Variants in RORA observed in about 807,000 individuals in gnomAD.
The protein encoded by RORA is nuclear receptor ROR-alpha.
A neutral mutation model predicts 69.5 loss-of-function variants in RORA; 7 were observed. The observed-to-expected ratio is 0.10, with a 90% CI of 0.06 to 0.19. RORA has a LOEUF of 0.19. Ranked by LOEUF, RORA falls within the 10% of genes least tolerant of loss-of-function variation. RORA has a pLI of 1.00. For missense variants in RORA, 457 were observed against 663.0 expected (o/e 0.69, Z 3.41); for synonymous variants, 261 against 240.8 (o/e 1.08, Z -0.78).
At chr15:61,224,130 A>G (rs1414864793) in intron 1 of RORA, among the ~76,000 whole-genome samples, 1 of 152,198 alleles carries the variant, frequency 6.6e-6, no homozygotes, top group Non-Finnish European at 1.5e-5. Context: ...CTGGATGAGT[A>G]TTCACTCCAA....
intron 1 of RORA, among the ~76,000 whole-genome samples, chr15:60,855,066 T>G (rs760993785): frequency 2.0e-5 from 3 of 152,214 alleles, no homozygotes; most frequent in African/African-American, 7.2e-5. Context: ...GAGCTTACGA[T>G]TGTGCTTGTC....
At chr15:60,823,492 A>G (rs995411960) in intron 1 of RORA, among the ~76,000 whole-genome samples, 2 of 152,180 alleles carry the variant, frequency 1.3e-5, no homozygotes, top group Non-Finnish European at 2.9e-5. Context: ...GAGGCCACAC[A>G]TGTTGTGTTA....
chr15:61,154,572 G>C (rs139934503), intron 1 of RORA, among the ~76,000 whole-genome samples: 79 of 152,302 alleles, frequency 5.2e-4, no homozygotes, highest in African/African-American at 1.9e-3. Flanking sequence ...GATGGGTCAT[G>C]AGCCATTTGT....
chr15:61,125,667 C>T (rs1296724738), intron 1 of RORA, among the ~76,000 whole-genome samples: 1 of 152,168 alleles, frequency 6.6e-6, no homozygotes, highest in Non-Finnish European at 1.5e-5. Flanking sequence ...ATTGACAATG[C>T]TTCTGATTCC....
chr15:61,175,720 T>C (rs568450126), intron 1 of RORA, among the ~76,000 whole-genome samples: 1 of 152,090 alleles, frequency 6.6e-6, no homozygotes, highest in East Asian at 1.9e-4. Flanking sequence ...CAGTCTCGAA[T>C]AAAATAGAAA....
chr15:60,516,159 AT>A (rs1487978725), intron 3 of RORA, among the ~76,000 whole-genome samples: 4 of 29,720 alleles, frequency 1.3e-4, no homozygotes, highest in Non-Finnish European at 1.7e-4. Flanking sequence ...ATATATATAT[AT>A]TTATATATAT....
intron 1 of RORA, among the ~76,000 whole-genome samples, chr15:60,842,136 T>C (rs776979475): frequency 3.3e-4 from 50 of 152,078 alleles, no homozygotes; most frequent in Non-Finnish European, 8.8e-5. Context: ...ATTTGTGTTT[T>C]CCACCCCCTT....
intron 1 of RORA, among the ~76,000 whole-genome samples, chr15:60,897,701 T>G (rs1364394170): frequency 1.3e-5 from 2 of 152,238 alleles, no homozygotes; most frequent in African/African-American, 4.8e-5. Context: ...GTAGGTATTC[T>G]GATGAAATTG....
At chr15:61,028,302 G>A (rs1298454759) in intron 1 of RORA, among the ~76,000 whole-genome samples, 1 of 152,160 alleles carries the variant, frequency 6.6e-6, no homozygotes, top group African/African-American at 2.4e-5. Flanking sequence ...GAGTTGAGTG[G>A]TTTATGGAGG....
Position 60,824,357 on chromosome 15 carries a change from A to G in RORA, c.167-145671T>C, listed in dbSNP as rs552203375. On this transcript the variant is annotated intron_variant, in intron 1 of 10. Transcript: ENST00000335670. Reference sequence around the variant, plus strand: ...GTTCTTGGATATGATTTGGGGGTTCAAATGAGGAGACACAATTATCTCTTT... The same window carrying G: ...GTTCTTGGATATGATTTGGGGGTTCGAATGAGGAGACACAATTATCTCTTT... Among the ~76,000 whole-genome samples, 10 of 152,356 alleles carry G rather than the reference A, an allele frequency of 6.6e-5. No homozygotes were observed. In the East Asian group the frequency reaches 1.9e-3, roughly 29 times the overall value.
intron 1 of RORA, among the ~76,000 whole-genome samples, chr15:60,718,713 T>C (rs2071252396): frequency 6.6e-6 from 1 of 152,156 alleles, no homozygotes; most frequent in African/African-American, 2.4e-5. Context: ...TTGACCTCTT[T>C]CTAACCCAAA....
chr15:60,579,010 G>T (rs999293231), intron 2 of RORA, among the ~76,000 whole-genome samples: 3 of 150,288 alleles, frequency 2.0e-5, no homozygotes, highest in Non-Finnish European at 4.4e-5. Context: ...TGATCGATCC[G>T]CCTGCCTCGG....
intron 2 of RORA, among the ~76,000 whole-genome samples, chr15:60,542,106 G>T (rs1328414189): frequency 2.0e-5 from 3 of 152,192 alleles, no homozygotes; most frequent in Non-Finnish European, 4.4e-5. Flanking sequence ...CTAATTTGCA[G>T]TAAAAGTATA....
At chr15:60,949,730 T>C (rs563827823) in intron 1 of RORA, among the ~76,000 whole-genome samples, 8 of 152,364 alleles carry the variant, frequency 5.3e-5, no homozygotes, top group Admixed American at 4.6e-4. Flanking sequence ...CCACATATCT[T>C]TAGCATTACA....
At chr15:60,941,743 T>C (rs1454771750) in intron 1 of RORA, among the ~76,000 whole-genome samples, 1 of 152,238 alleles carries the variant, frequency 6.6e-6, no homozygotes, top group Admixed American at 6.5e-5. Flanking sequence ...TTCCACATGT[T>C]AGCATTAGCA....
At chr15:60,690,789 A>T (rs753817580) in intron 1 of RORA, among the ~76,000 whole-genome samples, 1 of 152,226 alleles carries the variant, frequency 6.6e-6, no homozygotes. Context: ...CACCCTACAC[A>T]GGAGTGGCTC....
In RORA at chr15:60,826,783, CTCTCTCTTT is replaced by C. The variant is rs754901885; in HGVS notation, c.167-148106_167-148098del. 8.2e-4 allele frequency among the ~76,000 whole-genome samples: 94 copies of C among 114,724 alleles called. No individual in the cohort carries two copies. In the East Asian group the frequency reaches 0.018, roughly 22 times the overall value. The allele number at this position is 114,724 out of a possible 152,430, so 75.3% of individuals were successfully genotyped here. A position where few individuals can be genotyped will look rare whatever the true frequency, so the allele number is the denominator to read the frequency against. The stretch of plus-strand genomic sequence containing the variant: ...TCTCTCTCCCTCTCTCTCTCTCTCT[CTCTCTCTTT>C]TTTTTTTAAAGACACACCTGTTCTT... On this transcript the variant is annotated intron_variant, in intron 1 of 10. Transcript: ENST00000335670.
At position 60,939,370 on chromosome 15, in the gene RORA, C is replaced by T. The variant is rs192324460; in HGVS notation, c.167-260684G>A. On this transcript the variant is annotated intron_variant, in intron 1 of 10. Coordinates refer to ENST00000335670, the MANE Select transcript of RORA (RefSeq NM_134261.3). The stretch of plus-strand genomic sequence containing the variant: ...AAGGGGGCTGGAGAGGAGGGGCATG[C>T]AGTCATCAGAGGCTTCATTTTGTAC... Among the ~76,000 whole-genome samples the T allele has an allele frequency of 6.1e-4, 93 of 152,300 alleles. 1 individual carries two copies. The highest frequency in any genetic ancestry group is 6.8e-3 in the Middle Eastern group (2 of 294).
chr15:61,019,236 G>A (rs1417327835), intron 1 of RORA, among the ~76,000 whole-genome samples: 4 of 152,116 alleles, frequency 2.6e-5, no homozygotes, highest in Non-Finnish European at 2.9e-5. Flanking sequence ...GGCATCACTC[G>A]CCCCAAATTT....
Sources: gnomAD v4.1 joint callset for allele counts (sites outside exome capture counted in the v4.1 genomes callset) on GRCh38, gnomAD v4.1.1 for gene constraint, MANE v1.5 for transcripts, NCBI Gene and HGNC (gene_info 2026-07-23, HGNC 2026-07-21) for gene names.